Variants in GALNT10 observed in about 807,000 individuals in gnomAD.
GALNT10 encodes polypeptide N-acetylgalactosaminyltransferase 10.
Under a neutral mutation model 75.0 loss-of-function variants are expected in GALNT10, and 41 were observed. The ratio of observed to expected loss-of-function variants is 0.55; its 90% confidence interval spans 0.43 to 0.71. The LOEUF is 0.71. GALNT10 is among the 30% of genes least tolerant of loss of function. The pLI is 0.00. For synonymous variants in GALNT10, 302 were observed against 313.0 expected, an observed-to-expected ratio of 0.96 and a Z score of 0.37; for missense variants, 727 against 818.5, an observed-to-expected ratio of 0.89 and a Z score of 1.36.
At chr5:154,206,119 C>G (rs1026712065) in intron 1 of GALNT10, among the ~76,000 whole-genome samples, 6 of 152,212 alleles carry the variant, frequency 3.9e-5, no homozygotes, top group Admixed American at 1.3e-4. Flanking sequence ...GTCTTAATCT[C>G]TTCTAGCTAC....
intron 4 of GALNT10, among the ~76,000 whole-genome samples, chr5:154,375,122 A>C (rs1755634211): frequency 6.6e-6 from 1 of 152,224 alleles, no homozygotes; most frequent in South Asian, 2.1e-4. Context: ...AGCTAGAAGA[A>C]GGAAACCATC....
intron 4 of GALNT10, among the ~76,000 whole-genome samples, chr5:154,334,464 G>A (rs978723059): frequency 3.9e-5 from 6 of 152,228 alleles, no homozygotes; most frequent in African/African-American, 1.4e-4. Flanking sequence ...ACCTGTCCCC[G>A]GGTTGCACTG....
At chr5:154,320,307 T>A (rs1282094309) in intron 3 of GALNT10, among the ~76,000 whole-genome samples, 1 of 152,184 alleles carries the variant, frequency 6.6e-6, no homozygotes, top group African/African-American at 2.4e-5. Context: ...GTGAATTTAG[T>A]CTATTGTGGC....
intron 4 of GALNT10, among the ~76,000 whole-genome samples, chr5:154,345,586 C>CCTCCAAGT (rs575429370): frequency 7.2e-4 from 108 of 150,980 alleles, no homozygotes; most frequent in Non-Finnish European, 1.4e-3. Context: ...AGCATAATGT[C>CCTCCAAGT]CTCCAAGTTC....
intron 4 of GALNT10, among the ~76,000 whole-genome samples, chr5:154,330,159 A>T (rs1487859551): frequency 6.6e-6 from 1 of 152,208 alleles, no homozygotes; most frequent in African/African-American, 2.4e-5. Context: ...ATGGTCACAA[A>T]ATGGTACCTC....
chr5:154,382,376 C>T (rs1755746807), intron 6 of GALNT10, among the ~76,000 whole-genome samples: 1 of 152,230 alleles, frequency 6.6e-6, no homozygotes, highest in Non-Finnish European at 1.5e-5. Flanking sequence ...TAGATCCCTT[C>T]CTGGTCCAAA....
chr5:154,372,059 T>C lies in GALNT10; in HGVS notation c.569-4218T>C, dbSNP rs570324060. Among the ~76,000 whole-genome samples the C allele has an allele frequency of 2.0e-5, 3 of 152,280 alleles. No individual in the cohort carries two copies. The East Asian group carries it at 5.8e-4, about 29-fold the overall frequency. On this transcript the variant is annotated intron_variant, in intron 4 of 11. Transcript: ENST00000297107. ...ATCATTCTATTCTACTTTTTAAATA[T>C]ATGTTTGCAGTGATTCTTAATGTTT...
chr5:154,241,844 C>T (rs1753341311), intron 1 of GALNT10, among the ~76,000 whole-genome samples: 1 of 152,192 alleles, frequency 6.6e-6, no homozygotes, highest in Non-Finnish European at 1.5e-5. Flanking sequence ...GTTATTTCCT[C>T]AGTAAAAATC....
intron 1 of GALNT10, among the ~76,000 whole-genome samples, chr5:154,222,235 G>GTTT (rs34297252): frequency 1.4e-5 from 2 of 143,488 alleles, no homozygotes; most frequent in Non-Finnish European, 1.5e-5. Context: ...CTTTTTGCCT[G>GTTT]TTTTTTTTTT....
At chr5:154,414,010 T>C (rs561699944) in intron 10 of GALNT10, among the ~76,000 whole-genome samples, 42 of 152,226 alleles carry the variant, frequency 2.8e-4, no homozygotes, top group Non-Finnish European at 4.3e-4. Context: ...CCAAAAAAAA[T>C]ATATGAATGG....
Position 154,419,486 on chromosome 5 carries a change from T to C in GALNT10, c.*2514T>C, listed in dbSNP as rs1204330382. 2.0e-5 allele frequency: 3 copies of C among 152,298 alleles called. No homozygotes were observed. The highest frequency in any genetic ancestry group is 7.2e-5 in the African/African-American group (3 of 41,468). The allele number at this position is 152,298 out of a possible 1,614,324, so 9.4% of individuals were successfully genotyped here. On this transcript the variant is annotated 3_prime_UTR_variant, in exon 12 of 12. Coordinates refer to ENST00000297107, the MANE Select transcript of GALNT10 (RefSeq NM_198321.4). ...GGCAGTGTTCCTGGCATGACCAGGA[T>C]TCCTGTGAAAGCAGGAGCAGCAGCA...
At chr5:154,223,057 C>T (rs1429687517) in intron 1 of GALNT10, among the ~76,000 whole-genome samples, 1 of 152,118 alleles carries the variant, frequency 6.6e-6, no homozygotes, top group Non-Finnish European at 1.5e-5. Flanking sequence ...CATATTAACT[C>T]TGAGTTTGGA....
chr5:154,218,253 C>G, intron 1 of GALNT10: 1 of 347,178 alleles, frequency 2.9e-6, no homozygotes, highest in Non-Finnish European at 4.1e-6. Flanking sequence ...AGATGAAACA[C>G]TTCCACACTG....
intron 8 of GALNT10, among the ~76,000 whole-genome samples, chr5:154,408,884 A>C (rs1314215149): frequency 6.6e-6 from 1 of 152,206 alleles, no homozygotes; most frequent in African/African-American, 2.4e-5. Context: ...AGGTAGCTCT[A>C]GCTTCAGACA....
At chr5:154,203,896 G>T (rs1261463232) in intron 1 of GALNT10, among the ~76,000 whole-genome samples, 2 of 152,188 alleles carry the variant, frequency 1.3e-5, no homozygotes, top group Non-Finnish European at 2.9e-5. Flanking sequence ...GTTTTTACAG[G>T]CCATACAGTC....
intron 1 of GALNT10, among the ~76,000 whole-genome samples, chr5:154,194,509 T>C (rs1470334381): frequency 2.6e-5 from 4 of 152,194 alleles, no homozygotes; most frequent in African/African-American, 7.2e-5. Flanking sequence ...TCCGGCTCCC[T>C]ACATTCTTTC....
chr5:154,290,198 T>A (rs1754174442), intron 1 of GALNT10, among the ~76,000 whole-genome samples: 1 of 151,414 alleles, frequency 6.6e-6, no homozygotes, highest in Non-Finnish European at 1.5e-5. Flanking sequence ...TTCAAGTGAT[T>A]CTACTGCCTC....
At chr5:154,215,670 A>G (rs1752854904) in intron 1 of GALNT10, among the ~76,000 whole-genome samples, 1 of 152,230 alleles carries the variant, frequency 6.6e-6, no homozygotes, top group Admixed American at 6.5e-5. Flanking sequence ...GCAAAAGAAT[A>G]CTGTCATGGT....
intron 4 of GALNT10, among the ~76,000 whole-genome samples, chr5:154,347,868 A>G (rs1755152497): frequency 6.6e-6 from 1 of 152,164 alleles, no homozygotes; most frequent in African/African-American, 2.4e-5. Flanking sequence ...TTTCCCCTCT[A>G]AAATAGAGTC....
Sources: gnomAD v4.1 joint callset for allele counts (sites outside exome capture counted in the v4.1 genomes callset) on GRCh38, gnomAD v4.1.1 for gene constraint, MANE v1.5 for transcripts, NCBI Gene and HGNC (gene_info 2026-07-23, HGNC 2026-07-21) for gene names.